The following GGNBP2 variants were observed in gnomAD, a reference collection of about 807,000 sequenced individuals.
GGNBP2 encodes the protein gametogenetin-binding protein 2.
GGNBP2 carries 10 observed loss-of-function variants against 85.9 expected under a neutral mutation model. The ratio of observed to expected loss-of-function variants is 0.12; its 90% CI spans 0.07 to 0.20. The LOEUF (loss-of-function observed/expected upper bound fraction) is 0.20, where lower values mean the gene tolerates loss of function less well. Ranked by LOEUF, GGNBP2 falls within the 10% of genes least tolerant of loss-of-function variation. The probability of loss-of-function intolerance (pLI) is 1.00; values close to 1 mark genes in which losing one functional copy is unlikely to be tolerated. For missense variants in GGNBP2, 595 were observed against 857.8 expected, an observed-to-expected ratio of 0.69 and a Z score of 3.83; for synonymous variants, 287 against 285.7, an observed-to-expected ratio of 1.00 and a Z score of -0.05.
chr17:36,556,751 CTTTTTTTTTTTTTTT>C (rs10544073), intron 3 of GGNBP2, among the ~76,000 whole-genome samples: 3 of 52,850 alleles, frequency 5.7e-5, no homozygotes, highest in African/African-American at 1.3e-4. Context: ...CTGTATTGTG[CTTTTTTTTTTTTTTT>C]TTTTTTTTTT....
At chr17:36,573,526 G>T (rs1375831675) in intron 6 of GGNBP2, among the ~76,000 whole-genome samples, 1 of 152,176 alleles carries the variant, frequency 6.6e-6, no homozygotes, top group Non-Finnish European at 1.5e-5. Context: ...CTTGCTATCA[G>T]TTCTTTTGGA....
chr17:36,564,340 A>G (rs1202739405), intron 5 of GGNBP2, among the ~76,000 whole-genome samples: 2 of 152,194 alleles, frequency 1.3e-5, no homozygotes, highest in South Asian at 2.1e-4. Flanking sequence ...TCAAAGACCA[A>G]TCCTTCCACT....
intron 2 of GGNBP2, among the ~76,000 whole-genome samples, chr17:36,551,008 G>A (rs552045931): frequency 8.5e-5 from 13 of 152,296 alleles, no homozygotes; most frequent in African/African-American, 3.1e-4. Flanking sequence ...TTTGAAAGGC[G>A]AGGACAGAGT....
chr17:36,580,368 C>G (rs1259822033), intron 8 of GGNBP2, among the ~76,000 whole-genome samples: 1 of 151,370 alleles, frequency 6.6e-6, no homozygotes, highest in South Asian at 2.1e-4. Context: ...CCACCACGCT[C>G]GGCTAATTTT....
chr17:36,578,414 A>C, intron 7 of GGNBP2: 1 of 440,318 alleles, frequency 2.3e-6, no homozygotes, highest in Non-Finnish European at 4.0e-6. Context: ...TTCTTGCTTG[A>C]AGGGAGGCAG....
At chr17:36,585,076 TGAA>T (rs2142786869) in intron 9 of GGNBP2, among the ~76,000 whole-genome samples, 1 of 152,354 alleles carries the variant, frequency 6.6e-6, no homozygotes, top group East Asian at 1.9e-4. Context: ...GCTTGACAGT[TGAA>T]GAATACAGTG....
At chr17:36,573,213 A>G (rs1161949004) in intron 6 of GGNBP2, among the ~76,000 whole-genome samples, 2 of 152,154 alleles carry the variant, frequency 1.3e-5, no homozygotes, top group East Asian at 1.9e-4. Flanking sequence ...CCCGAGTTCA[A>G]GTGATTCTCC....
At position 36,589,424 on chromosome 17, in the gene GGNBP2, G is replaced by C; in HGVS notation, c.*13G>C. The C allele has an allele frequency of 6.3e-7, 1 of 1,594,764 alleles. No homozygotes were observed. Among genetic ancestry groups the C allele is most frequent in the South Asian group, 1.1e-5 (1 of 90,454 alleles). On this transcript the variant is annotated 3_prime_UTR_variant, in exon 14 of 14. Coordinates refer to ENST00000613102, the MANE Select transcript of GGNBP2 (RefSeq NM_024835.5). ...TGGAGCAAATTAAATAAATAAAATAGCTCTGTCTTTCAATGAAACACTCAC... is the reference window on the plus strand; with the variant it reads ...TGGAGCAAATTAAATAAATAAAATACCTCTGTCTTTCAATGAAACACTCAC...
intron 9 of GGNBP2, chr17:36,582,194 T>G (rs926802636): frequency 3.9e-5 from 6 of 152,088 alleles, no homozygotes; most frequent in Admixed American, 3.9e-4. Flanking sequence ...TATTCTTAAA[T>G]TATCTCTAAA....
chr17:36,575,199 G>A (rs2074564627), intron 6 of GGNBP2: 9 of 642,252 alleles, frequency 1.4e-5, no homozygotes, highest in East Asian at 1.2e-4. Flanking sequence ...TGAGCTCTGC[G>A]GCCTCAGCCG....
At chr17:36,576,030 G>A (rs2074578131) in intron 6 of GGNBP2, among the ~76,000 whole-genome samples, 1 of 149,780 alleles carries the variant, frequency 6.7e-6, no homozygotes, top group African/African-American at 2.5e-5. Context: ...GGCAGTAGAA[G>A]GGTAAATACT....
intron 12 of GGNBP2, 176 bp downstream of exon 12, chr17:36,586,374 G>C (rs946776622): frequency 1.5e-6 from 1 of 671,896 alleles, no homozygotes; most frequent in African/African-American, 1.8e-5. Flanking sequence ...GGCAGAGAGA[G>C]ATGTGATCAT....
In GGNBP2 at chr17:36,577,977, C is replaced by T; in HGVS notation, c.642-6C>T. On this transcript the variant is annotated splice_polypyrimidine_tract_variant and splice_region_variant and intron_variant, in intron 6 of 13. Coordinates refer to ENST00000613102, the MANE Select transcript of GGNBP2 (RefSeq NM_024835.5). ...TTCTTAATTTTAAGGTTTTTCTTTTCAACAGGTTTTGCACTGATTGCAAAA... is the reference window on the plus strand; with the variant it reads ...TTCTTAATTTTAAGGTTTTTCTTTTTAACAGGTTTTGCACTGATTGCAAAA... 6.2e-7 allele frequency: 1 copy of T among 1,611,332 alleles called. No individual in the cohort carries two copies. The highest frequency in any genetic ancestry group is 8.5e-7 in the Non-Finnish European group (1 of 1,177,846).
Position 36,589,321 on chromosome 17 carries a change from T to C in GGNBP2, c.2004T>C (p.His668=), listed in dbSNP as rs780918253. ...FYSNREQYRQ[H]LKEKFNKYCR... The stretch of plus-strand genomic sequence containing the variant: ...GCAATAGAGAACAATACCGACAGCA[T>C]CTGAAGGAGAAATTTAATAAATACT... The change falls in exon 14 of 14, where the codon CAT becomes CAC. Residue 668 remains histidine, a synonymous_variant. Transcript: ENST00000613102. 7.4e-6 allele frequency: 12 copies of C among 1,613,792 alleles called. No homozygotes were observed. In the East Asian group the frequency reaches 8.9e-5, roughly 12 times the overall value.
At position 36,560,842 on chromosome 17, in the gene GGNBP2, C is replaced by A; in HGVS notation, c.498C>A (p.Ser166=). 6.2e-7 allele frequency: 1 copy of A among 1,601,062 alleles called. No individual in the cohort carries two copies. The highest frequency in any genetic ancestry group is 1.3e-5 in the African/African-American group (1 of 74,392). The change falls in exon 5 of 14, where the codon TCC becomes TCA. Residue 166 remains serine (S), a synonymous_variant. Transcript: ENST00000613102. ...SKKNKRCQLH[S]LDTHKPKPLG... ...AGAATAAGAGATGTCAGTTGCACTC[C>A]TTAGATACGCACAAGCCAAAACCTT...
At chr17:36,560,987 A>G (rs138952164) in intron 5 of GGNBP2, 116 bp downstream of exon 5, 25 of 557,692 alleles carry the variant, frequency 4.5e-5, no homozygotes, top group African/African-American at 9.7e-5. Context: ...GTTATACTCT[A>G]TGACATAGGT....
intron 9 of GGNBP2, among the ~76,000 whole-genome samples, chr17:36,584,376 C>T (rs1003439888): frequency 2.7e-4 from 41 of 151,944 alleles, no homozygotes; most frequent in African/African-American, 8.9e-4. Flanking sequence ...CTCACTCTGT[C>T]GCCCACAGTG....
chr17:36,557,157 T>G lies in GGNBP2; in HGVS notation c.249T>G (p.Leu83=). ...CATCACGCGAAGTCCTGAGTGCACT[T>G]TCTCAGCTTGTCCCATGTGTTGGTT... is the stretch of plus-strand genomic sequence containing the variant. ...VVTSREVLSA[L]SQLVPCVGCR... Residue 83 remains leucine (L), a synonymous_variant, in exon 4 of 14, where the codon CTT becomes CTG. Coordinates refer to ENST00000613102, the MANE Select transcript of GGNBP2 (RefSeq NM_024835.5). 1 of 1,614,172 alleles carries G rather than the reference T, an allele frequency of 6.2e-7. No homozygotes were observed. Among genetic ancestry groups the G allele is most frequent in the Non-Finnish European group, 8.5e-7 (1 of 1,180,028 alleles).
intron 2 of GGNBP2, chr17:36,547,771 T>G (rs990338401): frequency 1.3e-5 from 2 of 152,232 alleles, no homozygotes; most frequent in African/African-American, 2.4e-5. Context: ...AAATAACATT[T>G]AGGAAAAGGT....
Sources: gnomAD v4.1 joint callset for allele counts (sites outside exome capture counted in the v4.1 genomes callset) on GRCh38, gnomAD v4.1.1 for gene constraint, MANE v1.5 for transcripts, NCBI Gene and HGNC (gene_info 2026-07-23, HGNC 2026-07-21) for gene names.